The following DACH2 variants were observed in gnomAD, a reference collection of about 807,000 sequenced individuals.
DACH2 encodes the protein dachshund homolog 2.
A neutral mutation model predicts 35.8 loss-of-function variants in DACH2; 17 were observed. The ratio of observed to expected loss-of-function variants is 0.48; its 90% CI spans 0.33 to 0.71. The LOEUF (loss-of-function observed/expected upper bound fraction) is 0.71, where lower values mean the gene tolerates loss of function less well. Among genes scored for constraint, DACH2 ranks in the 30% least tolerant of loss-of-function variants. The pLI is 0.02. For missense variants in DACH2, 469 were observed against 472.7 expected, an observed-to-expected ratio of 0.99 and a Z score of 0.07; for synonymous variants, 195 against 177.3, an observed-to-expected ratio of 1.10 and a Z score of -0.79.
At chrX:86,658,792 C>T (rs759092833) in intron 4 of DACH2, among the ~76,000 whole-genome samples, 1 of 111,328 alleles carries the variant, frequency 9.0e-6, no homozygotes, top group South Asian at 3.8e-4. Context: ...TCCAGGGTTG[C>T]CCATTTACTT....
At chrX:86,743,318 GAGAA>G (rs1310993036) in intron 7 of DACH2, among the ~76,000 whole-genome samples, 4 of 111,119 alleles carry the variant, frequency 3.6e-5, no homozygotes, top group Admixed American at 9.6e-5. Context: ...AAGGAAGATA[GAGAA>G]AGTAAGAATT....
At chrX:86,804,777 C>T (rs762387000) in intron 7 of DACH2, among the ~76,000 whole-genome samples, 3 of 112,601 alleles carry the variant, frequency 2.7e-5, no homozygotes, top group African/African-American at 3.2e-5. Flanking sequence ...AACCTAGCAG[C>T]GCAGTCATTA....
intron 1 of DACH2, among the ~76,000 whole-genome samples, chrX:86,333,504 A>G (rs2035248226): frequency 1.8e-5 from 2 of 111,618 alleles, no homozygotes; most frequent in African/African-American, 6.5e-5. Flanking sequence ...AGGGGTTCAG[A>G]AAGACAGCTA....
intron 7 of DACH2, among the ~76,000 whole-genome samples, chrX:86,791,960 C>G (rs760377065): frequency 9.0e-6 from 1 of 111,280 alleles, no homozygotes; most frequent in African/African-American, 3.3e-5. Context: ...ATTTGAAGAA[C>G]GTATTTTAGT....
chrX:86,544,531 T>C (rs1344214020), intron 3 of DACH2, among the ~76,000 whole-genome samples: 1 of 111,300 alleles, frequency 9.0e-6, no homozygotes, highest in Non-Finnish European at 1.9e-5. Flanking sequence ...GAATTTTATT[T>C]CTGGCCAAAC....
chrX:86,690,920 A>G (rs975243336), intron 4 of DACH2, among the ~76,000 whole-genome samples: 3 of 111,693 alleles, frequency 2.7e-5, no homozygotes, highest in African/African-American at 9.7e-5. Flanking sequence ...ATATTGTGCT[A>G]AAACAGTGAT....
intron 1 of DACH2, among the ~76,000 whole-genome samples, chrX:86,251,802 G>A (rs953365841): frequency 1.8e-5 from 2 of 111,498 alleles, no homozygotes; most frequent in East Asian, 2.8e-4. Context: ...CTATAAACAT[G>A]CGTGTACAAG....
chrX:86,823,031 C>T (rs1008020180), intron 11 of DACH2, among the ~76,000 whole-genome samples: 4 of 111,137 alleles, frequency 3.6e-5, no homozygotes, highest in Admixed American at 1.9e-4. Context: ...CGGCTCACTG[C>T]GACCTCTGCC....
chrX:86,531,577 G>A (rs958571156), intron 3 of DACH2, among the ~76,000 whole-genome samples: 1 of 112,532 alleles, frequency 8.9e-6, no homozygotes, highest in Non-Finnish European at 1.9e-5. Context: ...TGTGCAGAAG[G>A]CAAGAGTTAA....
intron 2 of DACH2, among the ~76,000 whole-genome samples, chrX:86,403,549 T>A (rs2036471603): frequency 8.9e-6 from 1 of 111,818 alleles, no homozygotes; most frequent in African/African-American, 3.3e-5. Flanking sequence ...CAGAAATAGA[T>A]GCTGGTCAGG....
intron 2 of DACH2, among the ~76,000 whole-genome samples, chrX:86,386,566 A>G (rs1176378929): frequency 9.0e-6 from 1 of 111,030 alleles, no homozygotes; most frequent in Non-Finnish European, 1.9e-5. Flanking sequence ...TTATTCAATT[A>G]CTTATTTATA....
chrX:86,542,112 T>A (rs1278195926), intron 3 of DACH2, among the ~76,000 whole-genome samples: 1 of 111,794 alleles, frequency 8.9e-6, no homozygotes, highest in Non-Finnish European at 1.9e-5. Context: ...TTCCCTTTTA[T>A]GGTCTGCTTT....
intron 7 of DACH2, among the ~76,000 whole-genome samples, chrX:86,769,111 C>T (rs1042072563): frequency 2.7e-5 from 3 of 110,869 alleles, no homozygotes; most frequent in African/African-American, 9.8e-5. Context: ...TAAAATCCAA[C>T]GTCCCTTCAT....
intron 1 of DACH2, among the ~76,000 whole-genome samples, chrX:86,181,967 G>T (rs895453631): frequency 8.9e-6 from 1 of 111,885 alleles, no homozygotes; most frequent in Middle Eastern, 4.2e-3. Context: ...ATGTTCATTG[G>T]CCTCATAAAT....
intron 1 of DACH2, among the ~76,000 whole-genome samples, chrX:86,280,072 G>T (rs1445860422): frequency 9.0e-6 from 1 of 110,974 alleles, no homozygotes; most frequent in East Asian, 2.9e-4. Flanking sequence ...AGAAAGATAG[G>T]CCAACATTCA....
chrX:86,237,253 G>C (rs1381951170), intron 1 of DACH2, among the ~76,000 whole-genome samples: 2 of 111,266 alleles, frequency 1.8e-5, no homozygotes, highest in Admixed American at 9.6e-5. Flanking sequence ...GCCTAGGGCT[G>C]TTTTACATTA....
At chrX:86,517,827 T>A (rs1329762838) in intron 3 of DACH2, among the ~76,000 whole-genome samples, 1 of 112,009 alleles carries the variant, frequency 8.9e-6, no homozygotes, top group Admixed American at 9.5e-5. Flanking sequence ...TGCAAATATT[T>A]TTTTTCCATC....
intron 3 of DACH2, among the ~76,000 whole-genome samples, chrX:86,650,812 A>G (rs998131782): frequency 9.0e-6 from 1 of 111,064 alleles, no homozygotes; most frequent in Admixed American, 9.7e-5. Flanking sequence ...ATTCAAGTTA[A>G]TTTTGGTTTG....
At chrX:86,532,421 T>C (rs2038735225) in intron 3 of DACH2, among the ~76,000 whole-genome samples, 1 of 110,958 alleles carries the variant, frequency 9.0e-6, no homozygotes, top group East Asian at 2.9e-4. Flanking sequence ...ACACATTTTG[T>C]CCTTGCTGTT....
Sources: gnomAD v4.1 joint callset for allele counts (sites outside exome capture counted in the v4.1 genomes callset) on GRCh38, gnomAD v4.1.1 for gene constraint, MANE v1.5 for transcripts, NCBI Gene and HGNC (gene_info 2026-07-23, HGNC 2026-07-21) for gene names.